Variants in PDCD11 observed in about 807,000 individuals in gnomAD.
The protein encoded by PDCD11 is programmed cell death 11.
PDCD11 carries 97 observed loss-of-function variants against 198.9 expected under a neutral mutation model. The observed-to-expected ratio is 0.49, with a 90% CI of 0.41 to 0.58. The LOEUF is 0.58. PDCD11 is among the 20% of genes least tolerant of loss of function. The probability of loss-of-function intolerance (pLI) is 0.00; values close to 1 mark genes in which losing one functional copy is unlikely to be tolerated. For missense variants in PDCD11, 2,102 were observed against 2,312.7 expected (o/e 0.91, Z 1.87); for synonymous variants, 893 against 918.0 (o/e 0.97, Z 0.49).
Position 103,445,496 on chromosome 10 carries a change from A to C in PDCD11, c.5563A>C (p.Lys1855Gln). The C allele has an allele frequency of 1.2e-6, 2 of 1,614,176 alleles. No homozygotes were observed. Among genetic ancestry groups the C allele is most frequent in the Non-Finnish European group, 8.5e-7 (1 of 1,180,026 alleles). ...HGTEKDVQAVKAKALEYVEAK... is the reference protein window; with the variant it reads ...HGTEKDVQAVQAKALEYVEAK... ...CACTGAGAAGGATGTGCAGGCAGTC[A>C]AGGCCAAGGCCCTGGAGTATGTGGA... Residue 1855 changes from lysine to glutamine, a missense_variant, in exon 36 of 36, where the codon AAG becomes CAG. Lys to Gln is a moderately conservative substitution (Grantham distance 53). Coordinates refer to ENST00000369797, the MANE Select transcript of PDCD11 (RefSeq NM_014976.2).
At chr10:103,430,186 T>C (rs1234050178) in intron 21 of PDCD11, among the ~76,000 whole-genome samples, 1 of 152,100 alleles carries the variant, frequency 6.6e-6, no homozygotes, top group Non-Finnish European at 1.5e-5. Flanking sequence ...AAAGACTGGG[T>C]TTTGCCTTGT....
intron 33 of PDCD11, 118 bp downstream of exon 33, chr10:103,443,451 C>A: frequency 2.7e-6 from 2 of 754,178 alleles, no homozygotes; most frequent in Non-Finnish European, 4.1e-6. Context: ...ATCGGGGCCC[C>A]AACTTCCCTA....
rs375609320 is a variant in PDCD11, at chr10:103,417,897, A to G, written c.1876A>G (p.Ser626Gly). 1.2e-5 allele frequency: 19 copies of G among 1,614,210 alleles called. No individual in the cohort carries two copies. The African/African-American group carries it at 1.9e-4, about 16-fold the overall frequency. ...GCCAAAGAAAGAGCCTGCAGGACAC[A>G]GTCAGAAGAAAGGAAAAGCCATTAA... Reference protein sequence around the residue: ...PEPKKEPAGHSQKKGKAINIG... With the variant: ...PEPKKEPAGHGQKKGKAINIG... Residue 626 changes from serine to glycine, a missense_variant, in exon 14 of 36, where the codon AGT (serine) becomes GGT (glycine). By Grantham distance (56) the Ser-to-Gly change is moderately conservative. Transcript: ENST00000369797.
At chr10:103,405,218 T>C in intron 5 of PDCD11, 35 bp downstream of exon 5, 1 of 1,607,894 alleles carries the variant, frequency 6.2e-7, no homozygotes, top group Non-Finnish European at 8.5e-7. Context: ...AGAGTGGCAA[T>C]GTGCCTTCTC....
At chr10:103,401,024 G>T (rs1290127241) in intron 3 of PDCD11, among the ~76,000 whole-genome samples, 2 of 152,090 alleles carry the variant, frequency 1.3e-5, no homozygotes, top group Non-Finnish European at 1.5e-5. Flanking sequence ...CGAAGTGTTG[G>T]GATTATAGAC....
chr10:103,427,140 C>G (rs895629932), intron 20 of PDCD11, among the ~76,000 whole-genome samples, 189 bp from the exon 21 acceptor site: 3 of 151,852 alleles, frequency 2.0e-5, no homozygotes, highest in African/African-American at 4.8e-5. Flanking sequence ...GAGCCTGCTC[C>G]TTACTAATAA....
At chr10:103,414,143 C>A in intron 10 of PDCD11, 53 bp downstream of exon 10, 1 of 1,586,338 alleles carries the variant, frequency 6.3e-7, no homozygotes, top group South Asian at 1.1e-5. Context: ...TGTACATGTT[C>A]ATATTCCATT....
At chr10:103,403,943 C>A (rs765488533) in intron 4 of PDCD11, among the ~76,000 whole-genome samples, 3 of 152,112 alleles carry the variant, frequency 2.0e-5, no homozygotes, top group Non-Finnish European at 4.4e-5. Flanking sequence ...GTCATGACAT[C>A]CTGAGATAGG....
In PDCD11 at chr10:103,442,234, A is replaced by G; in HGVS notation, c.4729A>G (p.Arg1577Gly). The change falls in exon 32 of 36, where the codon AGG (arginine) becomes GGG (glycine). Residue 1577 changes from arginine (R) to glycine (G), a missense_variant. Coordinates refer to ENST00000369797, the MANE Select transcript of PDCD11 (RefSeq NM_014976.2). Reference protein sequence around the residue: ...QATIKKSKKERELEKQKAEKE... With the variant: ...QATIKKSKKEGELEKQKAEKE... ...GCAGATAAAGAAAAGCAAGAAAGAA[A>G]GGGAGTTGGAGAAGCAGAAGGCAGA... 6.2e-7 allele frequency: 1 copy of G among 1,614,136 alleles called. No homozygotes were observed. The highest frequency in any genetic ancestry group is 8.5e-7 in the Non-Finnish European group (1 of 1,179,994).
At chr10:103,435,718 G>A (rs1046117541) in intron 25 of PDCD11, among the ~76,000 whole-genome samples, 12 of 152,272 alleles carry the variant, frequency 7.9e-5, no homozygotes, top group African/African-American at 2.4e-4. Flanking sequence ...TCGCCATGTC[G>A]GTCAGGTTGG....
In PDCD11 at chr10:103,421,441, C is replaced by A. The variant is rs1403993035; in HGVS notation, c.2371C>A (p.Gln791Lys). ...GGTGACCAATGTGGATGAGGAGAAGCAGCGGATGCTGCTGTCACTGCGGCT... is the reference window on the plus strand; with the variant it reads ...GGTGACCAATGTGGATGAGGAGAAGAAGCGGATGCTGCTGTCACTGCGGCT... The part of the protein sequence containing the change: ...AKVTNVDEEK[Q>K]RMLLSLRLSD... The change falls in exon 17 of 36, where the codon CAG becomes AAG. Residue 791 changes from glutamine to lysine, a missense_variant. Coordinates refer to ENST00000369797, the MANE Select transcript of PDCD11 (RefSeq NM_014976.2). 1 of 1,606,126 alleles carries A rather than the reference C, an allele frequency of 6.2e-7. No homozygotes were observed.
chr10:103,407,838 C>CTA (rs2030555045), intron 7 of PDCD11, among the ~76,000 whole-genome samples: 2 of 151,986 alleles, frequency 1.3e-5, no homozygotes, highest in African/African-American at 4.8e-5. Flanking sequence ...CCTGCCTCAG[C>CTA]CTCCCGAGTA....
chr10:103,427,413 C>T lies in PDCD11; in HGVS notation c.3368+22C>T, dbSNP rs769390067. 6 of 1,596,668 alleles carry T rather than the reference C, an allele frequency of 3.8e-6. No homozygotes were observed. The Admixed American group carries it at 1.0e-4, about 27-fold the overall frequency. Reference sequence around the variant, plus strand: ...CAAGGTGAGGGGGACATTAGCAGCACTGTCTTACGGAAAGAGCACTGGGCT... The same window carrying T: ...CAAGGTGAGGGGGACATTAGCAGCATTGTCTTACGGAAAGAGCACTGGGCT... On this transcript the variant is annotated intron_variant, in intron 21 of 35. Coordinates refer to ENST00000369797, the MANE Select transcript of PDCD11 (RefSeq NM_014976.2).
intron 4 of PDCD11, among the ~76,000 whole-genome samples, chr10:103,404,019 C>T (rs1205740276): frequency 6.6e-6 from 1 of 152,170 alleles, no homozygotes; most frequent in Non-Finnish European, 1.5e-5. Context: ...GACAGAGTCT[C>T]ACTCTGTTGC....
intron 2 of PDCD11, 72 bp downstream of exon 2, chr10:103,398,600 A>G: frequency 1.0e-6 from 1 of 982,628 alleles, no homozygotes; most frequent in Admixed American, 2.1e-5. Context: ...AATGAGCCTT[A>G]TTTGAGAATG....
chr10:103,423,737 C>T, intron 19 of PDCD11, 79 bp downstream of exon 19: 1 of 918,006 alleles, frequency 1.1e-6, no homozygotes, highest in South Asian at 1.4e-5. Flanking sequence ...GGGATTCCAA[C>T]TCAGATGCCT....
At chr10:103,414,936 C>A in intron 11 of PDCD11, 69 bp from the exon 12 acceptor site, 3 of 1,561,440 alleles carry the variant, frequency 1.9e-6, no homozygotes, top group Non-Finnish European at 2.6e-6. Context: ...GTATGACATG[C>A]CTTGTTGTAA....
intron 12 of PDCD11, among the ~76,000 whole-genome samples, chr10:103,416,033 T>C (rs1290188862): frequency 6.6e-6 from 1 of 152,220 alleles, no homozygotes; most frequent in Non-Finnish European, 1.5e-5. Context: ...AAAAATACTT[T>C]TTCTGTCTTT....
intron 14 of PDCD11, 59 bp downstream of exon 14, chr10:103,417,991 A>ATATTGGAACC: frequency 6.3e-7 from 1 of 1,579,050 alleles, no homozygotes; most frequent in Non-Finnish European, 8.7e-7. Context: ...GCAGGGAACC[A>ATATTGGAACC]CTAACACATG....
Sources: gnomAD v4.1 joint callset for allele counts (sites outside exome capture counted in the v4.1 genomes callset) on GRCh38, gnomAD v4.1.1 for gene constraint, MANE v1.5 for transcripts, NCBI Gene and HGNC (gene_info 2026-07-23, HGNC 2026-07-21) for gene names.